Variants in TRMT11 observed in about 807,000 individuals in gnomAD.
TRMT11 encodes the protein tRNA methyltransferase 11.
TRMT11 carries 53 observed loss-of-function variants against 62.8 expected under a neutral mutation model. The observed-to-expected ratio is 0.84, with a 90% CI of 0.68 to 1.06. TRMT11 has a LOEUF of 1.06. Ranked by LOEUF, TRMT11 falls within the 50% of genes least tolerant of loss-of-function variation. The pLI, the probability that TRMT11 is intolerant of heterozygous loss-of-function variation, is 0.00. For synonymous variants in TRMT11, 188 were observed against 190.3 expected (o/e 0.99, Z 0.10); for missense variants, 556 against 553.4 (o/e 1.00, Z -0.05).
chr6:126,095,903 A>T (rs1009444250), intron 17 of TRMT11, among the ~76,000 whole-genome samples: 3 of 152,282 alleles, frequency 2.0e-5, no homozygotes, highest in East Asian at 1.9e-4. Flanking sequence ...AGCATAGCTT[A>T]TTGAGAAAGA....
At chr6:126,183,327 A>G (rs745631306) in intron 1 of TRMT11, among the ~76,000 whole-genome samples, 89 of 152,136 alleles carry the variant, frequency 5.9e-4, no homozygotes, top group Non-Finnish European at 1.2e-3. Flanking sequence ...ACTCCAAGTT[A>G]AAAGTACTGA....
intron 17 of TRMT11, among the ~76,000 whole-genome samples, chr6:126,088,076 C>T (rs1777234511): frequency 6.6e-6 from 1 of 151,960 alleles, no homozygotes; most frequent in Middle Eastern, 3.4e-3. Context: ...ATTATTAGCA[C>T]AATGTGCAAT....
chr6:126,222,376 T>C, the TRMT11 span, among the ~76,000 whole-genome samples: 1 of 152,186 alleles, frequency 6.6e-6, no homozygotes, highest in Non-Finnish European at 1.5e-5. Flanking sequence ...TTGATAAAAA[T>C]AGCATTGAAT....
At chr6:126,053,094 G>T (rs921990855) in intron 16 of TRMT11, among the ~76,000 whole-genome samples, 10 of 152,092 alleles carry the variant, frequency 6.6e-5, no homozygotes, top group Admixed American at 2.0e-4. Context: ...GTTCATCTCT[G>T]TGTCCTTTTT....
chr6:126,192,498 GT>G (rs1778615105), intron 1 of TRMT11, among the ~76,000 whole-genome samples: 1 of 152,088 alleles, frequency 6.6e-6, no homozygotes. Context: ...AGTGTTGAAA[GT>G]GGGCATCCTT....
chr6:126,002,857 A>G (rs777454228), intron 7 of TRMT11, among the ~76,000 whole-genome samples: 11 of 152,070 alleles, frequency 7.2e-5, no homozygotes, highest in Non-Finnish European at 1.5e-4. Context: ...TTTCTGATTC[A>G]TAATGGAATA....
At chr6:126,208,870 C>T in the TRMT11 span, among the ~76,000 whole-genome samples, 34 of 152,336 alleles carry the variant, frequency 2.2e-4, no homozygotes, top group African/African-American at 7.0e-4. Context: ...TGCCCACATA[C>T]GCCTAAAGGC....
chr6:126,055,897 G>A (rs1049783421), intron 17 of TRMT11, among the ~76,000 whole-genome samples: 1 of 152,134 alleles, frequency 6.6e-6, no homozygotes, highest in African/African-American at 2.4e-5. Flanking sequence ...TATACCCAAT[G>A]AAAAGTTTCC....
intron 11 of TRMT11, among the ~76,000 whole-genome samples, chr6:126,015,629 C>A (rs1394114942): frequency 5.3e-5 from 8 of 152,154 alleles, no homozygotes; most frequent in Non-Finnish European, 1.5e-5. Context: ...TAACCATGAT[C>A]CACCCTGCAA....
rs3734629 is a variant in TRMT11, at chr6:126,010,605, G to A, written c.761-648G>A. On this transcript the variant is annotated intron_variant, in intron 8 of 12. Transcript: ENST00000334379. ...ACTACCTGCTGAATGTCCCCACTGCGTATCTTTTTCTGAAAGTTCTGCAGG... is the reference window on the plus strand; with the variant it reads ...ACTACCTGCTGAATGTCCCCACTGCATATCTTTTTCTGAAAGTTCTGCAGG... Among the ~76,000 whole-genome samples the A allele has an allele frequency of 1.5e-3, 231 of 152,126 alleles. 3 individuals carry two copies. The East Asian group carries it at 0.039, about 26-fold the overall frequency.
intron 21 of TRMT11, among the ~76,000 whole-genome samples, chr6:126,125,466 TATA>T (rs1158459651): frequency 1.3e-5 from 2 of 152,082 alleles, no homozygotes; most frequent in Non-Finnish European, 2.9e-5. Flanking sequence ...AATAATTTAA[TATA>T]ATAATAATTG....
intron 17 of TRMT11, among the ~76,000 whole-genome samples, chr6:126,095,966 A>C (rs900430222): frequency 6.6e-6 from 1 of 152,116 alleles, no homozygotes; most frequent in African/African-American, 2.4e-5. Flanking sequence ...AGGAGCAGGG[A>C]TAGGAGAAAG....
At chr6:126,172,402 AC>A (rs1442677147), upstream of TRMT11, among the ~76,000 whole-genome samples, 2 of 151,882 alleles carry the variant, frequency 1.3e-5, no homozygotes, top group Non-Finnish European at 2.9e-5. Context: ...ATGTGGCAGA[AC>A]CCCCATGCAG....
rs549136088 is a variant in TRMT11 at position 126,066,086 on chromosome 6, A to T, written c.*1437+12896A>T. Among the ~76,000 whole-genome samples the T allele has an allele frequency of 4.6e-5, 7 of 152,290 alleles. No homozygotes were observed. In the South Asian group the frequency reaches 1.5e-3, roughly 32 times the overall value. Reference sequence around the variant, plus strand: ...ACCCTTTCCTTTGTTTGACGGTTGGAGGGAGCAATGATCAAGGCTGGATTG... The same window carrying T: ...ACCCTTTCCTTTGTTTGACGGTTGGTGGGAGCAATGATCAAGGCTGGATTG... On this transcript the variant is annotated intron_variant and NMD_transcript_variant, in intron 17 of 22. Transcript: ENST00000648977.
intron 21 of TRMT11, among the ~76,000 whole-genome samples, chr6:126,128,993 T>C (rs761614362): frequency 1.3e-5 from 2 of 151,556 alleles, no homozygotes; most frequent in Non-Finnish European, 2.9e-5. Context: ...TTCCAGAGCT[T>C]ATGAGGAGCT....
chr6:126,263,961 G>A, the TRMT11 span, among the ~76,000 whole-genome samples: 14 of 152,084 alleles, frequency 9.2e-5, no homozygotes, highest in Non-Finnish European at 1.9e-4. Context: ...TTTGTTTTCG[G>A]TTGGGCAATA....
intron 7 of TRMT11, among the ~76,000 whole-genome samples, chr6:126,000,419 C>A (rs978229930): frequency 6.6e-6 from 1 of 152,110 alleles, no homozygotes; most frequent in Non-Finnish European, 1.5e-5. Flanking sequence ...GTATCAGGTA[C>A]TATGCTATGC....
chr6:126,249,708 GA>G, the TRMT11 span, among the ~76,000 whole-genome samples: 2 of 151,976 alleles, frequency 1.3e-5, no homozygotes, highest in African/African-American at 4.8e-5. Flanking sequence ...ATAGGGAGGC[GA>G]AAAAGCAATT....
chr6:126,232,431 C>G, the TRMT11 span, among the ~76,000 whole-genome samples: 1 of 150,522 alleles, frequency 6.6e-6, no homozygotes, highest in Non-Finnish European at 1.5e-5. Flanking sequence ...TTTCTGGTAT[C>G]TTTAAAAGAA....
Sources: allele counts gnomAD v4.1 joint callset (sites outside exome capture counted in the v4.1 genomes callset), GRCh38; gene constraint gnomAD v4.1.1; transcripts MANE v1.5; gene names NCBI Gene and HGNC (gene_info 2026-07-23, HGNC 2026-07-21).